Variants in HTR4 observed in about 807,000 individuals in gnomAD.
HTR4 encodes 5-hydroxytryptamine (serotonin) receptor 4, G protein-coupled.
In HTR4, 16 loss-of-function variants were observed where a neutral mutation model predicts 36.8. The observed-to-expected ratio is 0.43, with a 90% CI of 0.29 to 0.66. The LOEUF is 0.66. HTR4 is among the 30% of genes least tolerant of loss of function. HTR4 has a pLI of 0.13. For missense variants in HTR4, 438 were observed against 490.9 expected, an observed-to-expected ratio of 0.89 and a Z score of 1.02; for synonymous variants, 189 against 185.1, an observed-to-expected ratio of 1.02 and a Z score of -0.17.
chr5:148,489,473 C>T (rs773867080), intron 6 of HTR4, among the ~76,000 whole-genome samples: 6 of 152,130 alleles, frequency 3.9e-5, no homozygotes, highest in Non-Finnish European at 8.8e-5. Context: ...ACTTAAGATA[C>T]TGAGGGATAA....
intron 5 of HTR4, among the ~76,000 whole-genome samples, chr5:148,455,072 C>CGTA (rs1755066889): frequency 6.6e-6 from 1 of 152,126 alleles, no homozygotes; most frequent in African/African-American, 2.4e-5. Flanking sequence ...AGGATGTGTG[C>CGTA]CAGGTACCAT....
chr5:148,609,483 G>A (rs926888542), intron 2 of HTR4, among the ~76,000 whole-genome samples: 1 of 151,896 alleles, frequency 6.6e-6, no homozygotes, highest in African/African-American at 2.4e-5. Flanking sequence ...AAGATAATGT[G>A]TTCCAATACT....
intron 6 of HTR4, chr5:148,484,373 AT>A (rs776508153): frequency 1.2e-6 from 2 of 1,611,502 alleles, no homozygotes; most frequent in Non-Finnish European, 1.7e-6. Flanking sequence ...CAAACAGAAA[AT>A]CTGTCCTAGC....
intron 2 of HTR4, among the ~76,000 whole-genome samples, chr5:148,575,549 A>T (rs1760859781): frequency 6.6e-6 from 1 of 152,060 alleles, no homozygotes; most frequent in Non-Finnish European, 1.5e-5. Context: ...AGAGATGTAT[A>T]CACCTGCTAC....
chr5:148,582,198 T>C (rs560976165), intron 2 of HTR4, among the ~76,000 whole-genome samples: 3 of 152,146 alleles, frequency 2.0e-5, no homozygotes, highest in South Asian at 4.1e-4. Context: ...CTATACTTTG[T>C]AGCCTGAATT....
intron 2 of HTR4, among the ~76,000 whole-genome samples, chr5:148,635,695 A>C (rs1337686046): frequency 1.3e-5 from 2 of 152,172 alleles, no homozygotes; most frequent in Non-Finnish European, 2.9e-5. Flanking sequence ...GTCACCATTG[A>C]TATTGCTCAC....
At chr5:148,484,012 A>G (rs954518204) in intron 6 of HTR4, among the ~76,000 whole-genome samples, 6 of 151,886 alleles carry the variant, frequency 4.0e-5, no homozygotes, top group Admixed American at 2.0e-4. Context: ...CATTTTACTC[A>G]GTTAAACTTT....
chr5:148,471,284 T>G (rs141534642), intron 5 of HTR4, among the ~76,000 whole-genome samples: 294 of 152,276 alleles, frequency 1.9e-3, no homozygotes, highest in Middle Eastern at 3.4e-3. Context: ...GCCGACCCCA[T>G]GCCTAGTACA....
chr5:148,501,097 C>T (rs1756916593), intron 6 of HTR4, among the ~76,000 whole-genome samples: 1 of 152,178 alleles, frequency 6.6e-6, no homozygotes, highest in African/African-American at 2.4e-5. Flanking sequence ...GAAATACTTA[C>T]ATGCCCACTA....
chr5:148,631,066 G>A lies in HTR4; in HGVS notation c.26+5923C>T, dbSNP rs569050666. On this transcript the variant is annotated intron_variant, in intron 2 of 6. Transcript: ENST00000377888. ...CCAGAAAATTTCACACATTGCAAGAGGCCATTGCTTTCAAAATATAAATGT... is the reference window on the plus strand; with the variant it reads ...CCAGAAAATTTCACACATTGCAAGAAGCCATTGCTTTCAAAATATAAATGT... Among the ~76,000 whole-genome samples, 3 of 152,180 alleles carry A rather than the reference G, an allele frequency of 2.0e-5. No homozygotes were observed. In the South Asian group the frequency reaches 6.2e-4, roughly 32 times the overall value.
intron 6 of HTR4, among the ~76,000 whole-genome samples, chr5:148,508,466 T>C (rs550645426): frequency 2.8e-4 from 42 of 152,342 alleles, no homozygotes; most frequent in African/African-American, 3.8e-4. Context: ...CATCCACTTA[T>C]GTGACCTTGG....
At chr5:148,512,333 G>C (rs1757532451) in intron 5 of HTR4, among the ~76,000 whole-genome samples, 1 of 152,104 alleles carries the variant, frequency 6.6e-6, no homozygotes, top group African/African-American at 2.4e-5. Flanking sequence ...GTTTTACTGT[G>C]CATCTCCTGA....
chr5:148,626,009 G>A (rs1235967830), intron 2 of HTR4, among the ~76,000 whole-genome samples: 1 of 151,858 alleles, frequency 6.6e-6, no homozygotes, highest in Non-Finnish European at 1.5e-5. Context: ...AGTGTAGAAA[G>A]TCACAACCCT....
intron 2 of HTR4, among the ~76,000 whole-genome samples, chr5:148,623,449 T>A (rs753897711): frequency 2.6e-5 from 4 of 151,548 alleles, no homozygotes; most frequent in Non-Finnish European, 4.4e-5. Context: ...GCACAGAAAA[T>A]GAGGGGAGTA....
chr5:148,592,273 A>G (rs548369097), intron 2 of HTR4, among the ~76,000 whole-genome samples: 1 of 152,080 alleles, frequency 6.6e-6, no homozygotes, highest in Non-Finnish European at 1.5e-5. Flanking sequence ...AGAAAAGATT[A>G]CTATTGGGTA....
chr5:148,573,985 C>T (rs1484834633), intron 2 of HTR4, among the ~76,000 whole-genome samples: 1 of 152,028 alleles, frequency 6.6e-6, no homozygotes, highest in Non-Finnish European at 1.5e-5. Flanking sequence ...ATTACCAGTT[C>T]TCAGGCCAGC....
intron 6 of HTR4, chr5:148,490,595 C>T (rs1249406174): frequency 1.7e-6 from 2 of 1,163,120 alleles, no homozygotes; most frequent in African/African-American, 1.6e-5. Context: ...ATTCAATCTA[C>T]TCACCTCTTC....
intron 1 of HTR4, among the ~76,000 whole-genome samples, chr5:148,650,577 A>G (rs1014247044): frequency 6.6e-6 from 1 of 152,044 alleles, no homozygotes; most frequent in Non-Finnish European, 1.5e-5. Flanking sequence ...GTTTTTTTTA[A>G]AAAAAATGGT....
intron 2 of HTR4, among the ~76,000 whole-genome samples, chr5:148,621,920 C>A (rs890127178): frequency 2.6e-5 from 4 of 152,184 alleles, no homozygotes; most frequent in African/African-American, 9.7e-5. Flanking sequence ...GAGTTACTGA[C>A]AATACTCAAC....
Sources: gnomAD v4.1 joint callset for allele counts (sites outside exome capture counted in the v4.1 genomes callset) on GRCh38, gnomAD v4.1.1 for gene constraint, MANE v1.5 for transcripts, NCBI Gene and HGNC (gene_info 2026-07-23, HGNC 2026-07-21) for gene names.